The following NHS variants were observed in gnomAD, a reference collection of about 807,000 sequenced individuals.
NHS encodes actin remodeling regulator NHS.
NHS carries 5 observed loss-of-function variants against 72.5 expected under a neutral mutation model. The ratio of observed to expected loss-of-function variants is 0.07; its 90% CI spans 0.04 to 0.14. NHS has a LOEUF of 0.14. Among genes scored for constraint, NHS ranks in the 10% least tolerant of loss-of-function variants. The pLI is 1.00. For missense variants in NHS, 1,072 were observed against 1,355.7 expected, an observed-to-expected ratio of 0.79 and a Z score of 3.29; for synonymous variants, 464 against 547.7, an observed-to-expected ratio of 0.85 and a Z score of 2.13.
At chrX:17,548,700 T>C (rs1053165519) in intron 1 of NHS, among the ~76,000 whole-genome samples, 2 of 111,789 alleles carry the variant, frequency 1.8e-5, no homozygotes, top group Admixed American at 1.9e-4. Flanking sequence ...ACATGCCACA[T>C]GTGTATATGC....
chrX:17,681,558 C>T (rs2066128711), intron 1 of NHS, among the ~76,000 whole-genome samples: 1 of 111,484 alleles, frequency 9.0e-6, no homozygotes, highest in Admixed American at 9.5e-5. Flanking sequence ...GCACATCACT[C>T]AGAGATCAAA....
At chrX:17,492,409 A>G (rs896388148) in intron 1 of NHS, among the ~76,000 whole-genome samples, 1 of 112,128 alleles carries the variant, frequency 8.9e-6, no homozygotes, top group Non-Finnish European at 1.9e-5. Flanking sequence ...GTCATTCAGG[A>G]GCAGGTTGTT....
At chrX:17,595,451 A>G (rs768716096) in intron 1 of NHS, among the ~76,000 whole-genome samples, 5 of 112,102 alleles carry the variant, frequency 4.5e-5, no homozygotes, top group Non-Finnish European at 5.6e-5. Flanking sequence ...TCTGTCTTCT[A>G]TCTCCAGGTT....
chrX:17,690,129 A>G (rs2066187086), intron 2 of NHS, among the ~76,000 whole-genome samples: 1 of 112,192 alleles, frequency 8.9e-6, no homozygotes, highest in African/African-American at 3.2e-5. Flanking sequence ...TCTTGGGTGT[A>G]GTAGTTTTAA....
chrX:17,633,015 G>A (rs977862642), intron 1 of NHS, among the ~76,000 whole-genome samples: 9 of 111,504 alleles, frequency 8.1e-5, no homozygotes, highest in Non-Finnish European at 1.3e-4. Context: ...AGAACTTCCT[G>A]CTTACTTATG....
At chrX:17,583,542 C>T (rs1378954021) in intron 1 of NHS, among the ~76,000 whole-genome samples, 1 of 112,294 alleles carries the variant, frequency 8.9e-6, no homozygotes, top group Non-Finnish European at 1.9e-5. Context: ...GACGTGGCCA[C>T]CCAAACAAAT....
chrX:17,451,902 C>T lies in NHS; in HGVS notation c.565+75580C>T, dbSNP rs745518535. 3.6e-5 allele frequency among the ~76,000 whole-genome samples: 4 copies of T among 112,121 alleles called. No homozygotes were observed. In the East Asian group the frequency reaches 1.1e-3, roughly 31 times the overall value. On this transcript the variant is annotated intron_variant, in intron 1 of 8. Coordinates refer to ENST00000676302, the MANE Select transcript of NHS (RefSeq NM_001291867.2). The stretch of plus-strand genomic sequence containing the variant: ...TGCCCCATTATTTTCCTCTTAATTG[C>T]TGTGGCTAGATTACTAAACCCGCAT...
intron 1 of NHS, among the ~76,000 whole-genome samples, chrX:17,597,221 G>A (rs1302069379): frequency 2.9e-5 from 3 of 103,170 alleles, no homozygotes; most frequent in Non-Finnish European, 3.9e-5. Context: ...CCGGGTTCAC[G>A]CCATTCTCCT....
At chrX:17,511,456 A>G (rs2065087362) in intron 1 of NHS, among the ~76,000 whole-genome samples, 1 of 111,674 alleles carries the variant, frequency 9.0e-6, no homozygotes, top group Admixed American at 9.6e-5. Flanking sequence ...GGCTTGCCAG[A>G]TAAGACAGTC....
intron 2 of NHS, among the ~76,000 whole-genome samples, chrX:17,690,986 G>A (rs938872721): frequency 1.8e-5 from 2 of 111,388 alleles, no homozygotes; most frequent in African/African-American, 6.5e-5. Flanking sequence ...TTGGTCTAAG[G>A]GAATAAGGAG....
chrX:17,534,097 TG>T (rs1485787822), intron 1 of NHS, among the ~76,000 whole-genome samples: 2 of 19,276 alleles, frequency 1.0e-4, no homozygotes, highest in Non-Finnish European at 1.6e-4. Context: ...GAAAGGTCAT[TG>T]TGTGTGTGTG....
chrX:17,728,166 C>T lies in NHS; in HGVS notation c.4060C>T (p.Pro1354Ser). The T allele has an allele frequency of 8.3e-7, 1 of 1,211,536 alleles. No individual in the cohort carries two copies. Among genetic ancestry groups the T allele is most frequent in the Non-Finnish European group, 1.1e-6 (1 of 895,288 alleles). Residue 1354 changes from proline (P) to serine (S), a missense_variant, in exon 7 of 9, where the codon CCT becomes TCT. Physicochemically the swap from Pro to Ser is moderately conservative, Grantham distance 74. Coordinates refer to ENST00000676302, the MANE Select transcript of NHS (RefSeq NM_001291867.2). ...TATGAGCCGCCACCATGACAAAGTG[C>T]CTGGTACTATCAGCTATGAATCGGA... is the stretch of plus-strand genomic sequence containing the variant. Reference protein sequence around the residue: ...FVMSRHHDKVPGTISYESEIT... With the variant: ...FVMSRHHDKVSGTISYESEIT...
At chrX:17,482,774 A>G (rs2064951411) in intron 1 of NHS, among the ~76,000 whole-genome samples, 1 of 112,380 alleles carries the variant, frequency 8.9e-6, no homozygotes, top group African/African-American at 3.2e-5. Context: ...ACCAGGCAGT[A>G]AGCACCATCC....
intron 1 of NHS, among the ~76,000 whole-genome samples, chrX:17,431,644 A>G (rs1319455764): frequency 8.9e-6 from 1 of 111,868 alleles, no homozygotes; most frequent in Non-Finnish European, 1.9e-5. Flanking sequence ...GGGGCATGGC[A>G]CACTGAGGGG....
chrX:17,425,985 A>G (rs1401062802), intron 1 of NHS: 1 of 112,216 alleles, frequency 8.9e-6, no homozygotes, highest in Non-Finnish European at 1.9e-5. Flanking sequence ...GTGTGCTGCT[A>G]GGATTTTCCT....
At chrX:17,720,641 G>A (rs1330812530) in intron 4 of NHS, among the ~76,000 whole-genome samples, 1 of 112,155 alleles carries the variant, frequency 8.9e-6, no homozygotes, top group African/African-American at 3.2e-5. Flanking sequence ...CAAAAGTTTG[G>A]ATGGAGAATT....
intron 1 of NHS, among the ~76,000 whole-genome samples, chrX:17,410,517 T>A (rs1202563473): frequency 5.9e-5 from 4 of 67,927 alleles, no homozygotes; most frequent in Non-Finnish European, 1.1e-4. Flanking sequence ...AACTCTCTGC[T>A]TTTTTTTTTT....
intron 1 of NHS, among the ~76,000 whole-genome samples, chrX:17,674,230 C>T (rs1255850205): frequency 9.0e-6 from 1 of 111,526 alleles, no homozygotes; most frequent in Admixed American, 9.5e-5. Flanking sequence ...CCAATGCGAC[C>T]CTCTAGAATC....
chrX:17,703,153 T>C (rs2066276314), intron 3 of NHS, among the ~76,000 whole-genome samples: 2 of 110,258 alleles, frequency 1.8e-5, no homozygotes, highest in South Asian at 7.8e-4. Context: ...GAAAAAATAG[T>C]CAGGCATAGT....
Sources: gnomAD v4.1 joint callset for allele counts (sites outside exome capture counted in the v4.1 genomes callset) on GRCh38, gnomAD v4.1.1 for gene constraint, MANE v1.5 for transcripts, NCBI Gene and HGNC (gene_info 2026-07-23, HGNC 2026-07-21) for gene names.